The following MYOZ3 variants were observed in gnomAD, a reference collection of about 807,000 sequenced individuals.
MYOZ3 encodes myozenin 3.
A neutral mutation model predicts 26.5 loss-of-function variants in MYOZ3; 19 were observed. That is an observed-to-expected ratio of 0.72 (90% CI 0.50 to 1.05). The LOEUF (loss-of-function observed/expected upper bound fraction) is 1.05, where lower values mean the gene tolerates loss of function less well. MYOZ3 is among the 50% of genes least tolerant of loss of function. The probability of loss-of-function intolerance (pLI) is 0.00; values close to 1 mark genes in which losing one functional copy is unlikely to be tolerated. For synonymous variants in MYOZ3, 135 were observed against 138.8 expected (o/e 0.97, Z 0.19); for missense variants, 322 against 337.1 (o/e 0.96, Z 0.35).
Position 150,670,637 on chromosome 5 carries a change from C to A in MYOZ3, c.215C>A (p.Ala72Glu). 1 of 1,606,344 alleles carries A rather than the reference C, an allele frequency of 6.2e-7. No homozygotes were observed. Among genetic ancestry groups the A allele is most frequent in the South Asian group, 1.1e-5 (1 of 90,482 alleles). Reference sequence around the variant, plus strand: ...TTCGAGTTAGCAGCCAGCCAGCGGGCGGTGAGTAAGCCACCATTGTGCTCA... The same window carrying A: ...TTCGAGTTAGCAGCCAGCCAGCGGGAGGTGAGTAAGCCACCATTGTGCTCA... The part of the protein sequence containing the change: ...FTFELAASQR[A>E]MLAGSARRKV... The change falls in exon 3 of 7, where the codon GCG (alanine) becomes GAG (glutamate). Residue 72 changes from alanine (A) to glutamate (E), a missense_variant and splice_region_variant. By Grantham distance (107) the Ala-to-Glu change is moderately radical. Transcript: ENST00000517768.
intron 2 of MYOZ3, among the ~76,000 whole-genome samples, chr5:150,668,623 T>C (rs73796413): frequency 0.14 from 21,564 of 152,254 alleles, 2,882 homozygotes; most frequent in African/African-American, 0.36. Flanking sequence ...TATGTGTATC[T>C]GATTTTAGAG....
At chr5:150,668,152 G>A (rs1758837236) in intron 2 of MYOZ3, among the ~76,000 whole-genome samples, 1 of 152,138 alleles carries the variant, frequency 6.6e-6, no homozygotes, top group South Asian at 2.1e-4. Flanking sequence ...CCTGTAGAAT[G>A]TCCTGCGTCC....
chr5:150,675,561 C>CG (rs745903135), intron 6 of MYOZ3, among the ~76,000 whole-genome samples: 2 of 152,096 alleles, frequency 1.3e-5, no homozygotes, highest in Non-Finnish European at 2.9e-5. Flanking sequence ...TTACTAGCGA[C>CG]GGGGTTTCAC....
intron 3 of MYOZ3, 76 bp from the exon 4 acceptor site, chr5:150,671,521 T>C: frequency 1.3e-6 from 2 of 1,510,014 alleles, no homozygotes; most frequent in Non-Finnish European, 1.8e-6. Context: ...CCGACCTTTT[T>C]TTTTGGTGGA....
In MYOZ3 at chr5:150,671,631, G is replaced by C. The variant is rs747108482; in HGVS notation, c.251G>C (p.Gly84Ala). The C allele has an allele frequency of 2.5e-6, 4 of 1,613,896 alleles. No homozygotes were observed. The highest frequency in any genetic ancestry group is 2.5e-6 in the Non-Finnish European group (3 of 1,179,916). The stretch of plus-strand genomic sequence containing the variant: ...GGAAGCGCCAGGAGGAAGGTGACTG[G>C]AACAGCGGAGTCGGGGACGGTGAGC... The part of the protein sequence containing the change: ...LAGSARRKVT[G>A]TAESGTVANA... The change falls in exon 4 of 7, where the codon GGA (glycine) becomes GCA (alanine). Residue 84 changes from glycine (G) to alanine (A), a missense_variant. Coordinates refer to ENST00000517768, the MANE Select transcript of MYOZ3 (RefSeq NM_001122853.3).
rs572668638 is a variant in MYOZ3 at position 150,679,324 on chromosome 5, A to C, written c.*2449A>C. 1 of 152,378 alleles carries C rather than the reference A, an allele frequency of 6.6e-6. No homozygotes were observed. Among genetic ancestry groups the C allele is most frequent in the African/African-American group, 2.4e-5 (1 of 41,544 alleles). 9.4% of individuals were successfully genotyped at this position (152,378 alleles called of 1,614,324 possible). Reference sequence around the variant, plus strand: ...TCTGGTGTTGTAAAAAAGAAAAAAAAAAGAATGCTCATTGTAAAAATAAAA... The same window carrying C: ...TCTGGTGTTGTAAAAAAGAAAAAAACAAGAATGCTCATTGTAAAAATAAAA... On this transcript the variant is annotated 3_prime_UTR_variant, in exon 7 of 7. Transcript: ENST00000517768.
rs1251556211 is a variant in MYOZ3, at chr5:150,676,852, C to T, written c.733C>T (p.Leu245Phe). The T allele has an allele frequency of 6.2e-7, 1 of 1,612,606 alleles. No homozygotes were observed. The highest frequency in any genetic ancestry group is 1.1e-5 in the South Asian group (1 of 91,074). Reference sequence around the variant, plus strand: ...AGTGGCCCAGGGCTGGGTCCGTAACCTCCCAGAGTCCGAGGAGCTGTAGCC... The same window carrying T: ...AGTGGCCCAGGGCTGGGTCCGTAACTTCCCAGAGTCCGAGGAGCTGTAGCC... ...NRVAQGWVRN[L>F]PESEEL The change falls in exon 7 of 7, where the codon CTC (leucine) becomes TTC (phenylalanine). Residue 245 changes from leucine (L) to phenylalanine (F), a missense_variant. Physicochemically the swap from Leu to Phe is conservative, Grantham distance 22. Coordinates refer to ENST00000517768, the MANE Select transcript of MYOZ3 (RefSeq NM_001122853.3).
At chr5:150,669,362 G>C (rs1758864143) in intron 2 of MYOZ3, among the ~76,000 whole-genome samples, 1 of 151,726 alleles carries the variant, frequency 6.6e-6, no homozygotes, top group African/African-American at 2.4e-5. Flanking sequence ...CAGGAGAATT[G>C]CTTGAACCCG....
At chr5:150,669,633 C>CTTTTTTTTTTTTT (rs532402882) in intron 2 of MYOZ3, among the ~76,000 whole-genome samples, 3 of 47,750 alleles carry the variant, frequency 6.3e-5, no homozygotes, top group Non-Finnish European at 9.6e-5. Context: ...CCCATATATG[C>CTTTTTTTTTTTTT]TTTTTTTTTT....
At chr5:150,667,705 A>C (rs1159466737) in intron 2 of MYOZ3, among the ~76,000 whole-genome samples, 1 of 152,190 alleles carries the variant, frequency 6.6e-6, no homozygotes, top group Non-Finnish European at 1.5e-5. Context: ...CAACTCTTCC[A>C]AGCAGTTGTC....
intron 6 of MYOZ3, among the ~76,000 whole-genome samples, chr5:150,673,770 G>A (rs1758962317): frequency 6.6e-6 from 1 of 152,234 alleles, no homozygotes; most frequent in South Asian, 2.1e-4. Flanking sequence ...GGCACTGGGG[G>A]AAGGCCTTGG....
chr5:150,667,172 C>G (rs1405162380), intron 2 of MYOZ3, among the ~76,000 whole-genome samples: 1 of 152,134 alleles, frequency 6.6e-6, no homozygotes, highest in African/African-American at 2.4e-5. Flanking sequence ...ATTCCATTGA[C>G]TGGCATGAAT....
chr5:150,673,639 G>A (rs1039915989), intron 6 of MYOZ3, among the ~76,000 whole-genome samples: 7 of 152,040 alleles, frequency 4.6e-5, no homozygotes, highest in South Asian at 4.1e-4. Context: ...CGCCCCCGGC[G>A]TATTATGATT....
intron 2 of MYOZ3, chr5:150,670,215 T>G: frequency 6.3e-6 from 2 of 317,058 alleles, no homozygotes; most frequent in Non-Finnish European, 1.2e-5. Flanking sequence ...AAGACCTGCA[T>G]GGGGAATTCA....
At chr5:150,666,439 C>T (rs1211958327) in intron 2 of MYOZ3, among the ~76,000 whole-genome samples, 1 of 151,862 alleles carries the variant, frequency 6.6e-6, no homozygotes, top group African/African-American at 2.4e-5. Context: ...CATGGTGAAA[C>T]CCCATCTCTG....
At chr5:150,669,866 C>T (rs1263909574) in intron 2 of MYOZ3, 1 of 152,022 alleles carries the variant, frequency 6.6e-6, no homozygotes, top group African/African-American at 2.4e-5. Context: ...AGGCTGGTCT[C>T]GAACCCTTGA....
chr5:150,669,715 G>A (rs748257680), intron 2 of MYOZ3, among the ~76,000 whole-genome samples: 9 of 128,236 alleles, frequency 7.0e-5, no homozygotes, highest in Non-Finnish European at 1.2e-4. Flanking sequence ...ATGCAATCTC[G>A]GCTTACTGCA....
rs932443589 is a variant in MYOZ3 at position 150,678,793 on chromosome 5, C to T, written c.*1918C>T. ...GTCAATGGTAGGTTTCATGCAACTG[C>T]TGCTCTAGGCTGGAAAAGTTGTTCT... On this transcript the variant is annotated 3_prime_UTR_variant, in exon 7 of 7. Transcript: ENST00000517768. 2.0e-5 allele frequency: 3 copies of T among 152,352 alleles called. No individual in the cohort carries two copies. The highest frequency in any genetic ancestry group is 2.9e-5 in the Non-Finnish European group (2 of 68,080). The allele number at this position is 152,352 out of a possible 1,614,324, so 9.4% of individuals were successfully genotyped here. A position where few individuals can be genotyped will look rare whatever the true frequency, so the allele number is the denominator to read the frequency against.
At chr5:150,675,226 T>TTGTGTGCGTGTGTGTGTGTG (rs765864243) in intron 6 of MYOZ3, among the ~76,000 whole-genome samples, 2,881 of 151,440 alleles carry the variant, frequency 0.019, 98 homozygotes, top group African/African-American at 0.065. Context: ...GGAATGGCGT[T>TTGTGTGCGTGTGTGTGTGTG]TGTGTGTGTG....
Sources: allele counts gnomAD v4.1 joint callset (sites outside exome capture counted in the v4.1 genomes callset), GRCh38; gene constraint gnomAD v4.1.1; transcripts MANE v1.5; gene names NCBI Gene and HGNC (gene_info 2026-07-23, HGNC 2026-07-21).